The following CCBE1 variants were observed in gnomAD, a reference collection of about 807,000 sequenced individuals.
CCBE1 encodes the protein collagen and calcium-binding EGF domain-containing protein 1.
A neutral mutation model predicts 50.0 loss-of-function variants in CCBE1; 37 were observed. The observed-to-expected ratio is 0.74, with a 90% CI of 0.57 to 0.97. CCBE1 has a LOEUF of 0.97. CCBE1 is among the 50% of genes least tolerant of loss of function. CCBE1 has a pLI of 0.00. For synonymous variants in CCBE1, 234 were observed against 203.7 expected (o/e 1.15, Z -1.27); for missense variants, 538 against 523.8 (o/e 1.03, Z -0.26).
rs568752068 is a variant in CCBE1, at chr18:59,488,842, G to A, written c.213-8604C>T. Among the ~76,000 whole-genome samples the A allele has an allele frequency of 1.1e-4, 16 of 152,310 alleles. No individual in the cohort carries two copies. In the South Asian group the frequency reaches 3.1e-3, roughly 30 times the overall value. On this transcript the variant is annotated intron_variant, in intron 2 of 10. Coordinates refer to ENST00000439986, the MANE Select transcript of CCBE1 (RefSeq NM_133459.4). The stretch of plus-strand genomic sequence containing the variant: ...GCATGCATCAAGCCCAACAGCACAT[G>A]TAAAAAGACATCTGCTGTTTTTCCT...
intron 3 of CCBE1, 105 bp from the exon 4 acceptor site, chr18:59,469,712 T>G: frequency 7.1e-7 from 1 of 1,413,454 alleles, no homozygotes; most frequent in East Asian, 2.3e-5. Context: ...CAAGGGCACG[T>G]GTGAAGTGTG....
chr18:59,547,432 T>G (rs1031165998), intron 2 of CCBE1, among the ~76,000 whole-genome samples: 4 of 152,130 alleles, frequency 2.6e-5, no homozygotes, highest in African/African-American at 9.7e-5. Context: ...CAACTAGCAG[T>G]TGACATGTCC....
intron 2 of CCBE1, among the ~76,000 whole-genome samples, chr18:59,659,955 G>A (rs1251613356): frequency 1.3e-5 from 2 of 152,192 alleles, no homozygotes; most frequent in African/African-American, 2.4e-5. Flanking sequence ...GCTATGCAAT[G>A]CTTTCCTTTT....
At chr18:59,664,830 C>T (rs114690469) in intron 2 of CCBE1, among the ~76,000 whole-genome samples, 2,430 of 152,244 alleles carry the variant, frequency 0.016, 72 homozygotes, top group African/African-American at 0.054. Context: ...TTCATGGGCA[C>T]TATTAATAAT....
intron 7 of CCBE1, among the ~76,000 whole-genome samples, chr18:59,447,228 T>C (rs1178970726): frequency 6.6e-6 from 1 of 152,178 alleles, no homozygotes; most frequent in African/African-American, 2.4e-5. Flanking sequence ...TGTGTGTGTA[T>C]ATATGTGTAT....
chr18:59,596,710 A>G (rs1230680628), intron 2 of CCBE1, among the ~76,000 whole-genome samples: 1 of 152,188 alleles, frequency 6.6e-6, no homozygotes, highest in African/African-American at 2.4e-5. Context: ...GTCCTGAGAA[A>G]CCTTCTGTCC....
At chr18:59,694,456 T>C (rs567678400) in intron 2 of CCBE1, among the ~76,000 whole-genome samples, 2 of 152,272 alleles carry the variant, frequency 1.3e-5, no homozygotes, top group East Asian at 3.9e-4. Context: ...AAGGCCTCCA[T>C]GCTCCTTTAA....
chr18:59,659,549 A>T (rs191357511), intron 2 of CCBE1, among the ~76,000 whole-genome samples: 2 of 152,202 alleles, frequency 1.3e-5, no homozygotes, highest in Admixed American at 1.3e-4. Flanking sequence ...AAACTGAAAG[A>T]AAGAACAACA....
At chr18:59,568,799 A>G (rs1194741878) in intron 2 of CCBE1, among the ~76,000 whole-genome samples, 2 of 151,988 alleles carry the variant, frequency 1.3e-5, no homozygotes, top group African/African-American at 4.8e-5. Flanking sequence ...ACCTCTGCCC[A>G]TCTGTGAGAG....
chr18:59,696,819 C>A, intron 1 of CCBE1, 110 bp from the exon 2 acceptor site: 8 of 1,222,476 alleles, frequency 6.5e-6, no homozygotes, highest in Non-Finnish European at 9.5e-6. Context: ...CCCGTCCCGG[C>A]GCTCTGGGCA....
At chr18:59,543,689 G>A (rs1915558584) in intron 2 of CCBE1, among the ~76,000 whole-genome samples, 1 of 152,098 alleles carries the variant, frequency 6.6e-6, no homozygotes, top group African/African-American at 2.4e-5. Flanking sequence ...CAGAAAATTA[G>A]CCGGGTGTGG....
At chr18:59,669,596 G>A (rs908436796) in intron 2 of CCBE1, among the ~76,000 whole-genome samples, 2 of 152,198 alleles carry the variant, frequency 1.3e-5, no homozygotes, top group African/African-American at 4.8e-5. Context: ...CCCTGTGGCT[G>A]CAAGAAAGCT....
At chr18:59,601,499 A>G (rs1402263330) in intron 2 of CCBE1, among the ~76,000 whole-genome samples, 1 of 152,112 alleles carries the variant, frequency 6.6e-6, no homozygotes, top group Non-Finnish European at 1.5e-5. Context: ...AGCCGTGTGG[A>G]ACTGTGAGTC....
chr18:59,587,008 T>C (rs940390800), intron 2 of CCBE1, among the ~76,000 whole-genome samples: 1 of 152,070 alleles, frequency 6.6e-6, no homozygotes, highest in East Asian at 1.9e-4. Context: ...AACATGGAAA[T>C]AAAATCTTTA....
chr18:59,446,042 C>T (rs1450340835), intron 7 of CCBE1, among the ~76,000 whole-genome samples: 1 of 152,088 alleles, frequency 6.6e-6, no homozygotes, highest in Non-Finnish European at 1.5e-5. Context: ...TCTAGCTTCC[C>T]TAATAAGTCT....
chr18:59,483,295 G>A (rs1912662857), intron 2 of CCBE1, among the ~76,000 whole-genome samples: 1 of 152,140 alleles, frequency 6.6e-6, no homozygotes, highest in Non-Finnish European at 1.5e-5. Context: ...AGTATAATCT[G>A]ATTTTATTAC....
chr18:59,470,325 C>G (rs916576762), intron 3 of CCBE1, among the ~76,000 whole-genome samples: 29 of 152,138 alleles, frequency 1.9e-4, no homozygotes, highest in African/African-American at 7.0e-4. Context: ...TGGGAAAGAC[C>G]CACCCCATGA....
chr18:59,517,954 G>A (rs114988253), intron 2 of CCBE1, among the ~76,000 whole-genome samples: 2 of 152,326 alleles, frequency 1.3e-5, no homozygotes, highest in Non-Finnish European at 2.9e-5. Flanking sequence ...ACAGGGGTGT[G>A]CTGTCTCCTA....
At chr18:59,550,227 A>G (rs904471313) in intron 2 of CCBE1, among the ~76,000 whole-genome samples, 1 of 152,086 alleles carries the variant, frequency 6.6e-6, no homozygotes, top group African/African-American at 2.4e-5. Flanking sequence ...GGATTGGCAA[A>G]CTATGACCCA....
Sources: gnomAD v4.1 joint callset for allele counts (sites outside exome capture counted in the v4.1 genomes callset) on GRCh38, gnomAD v4.1.1 for gene constraint, MANE v1.5 for transcripts, NCBI Gene and HGNC (gene_info 2026-07-23, HGNC 2026-07-21) for gene names.